The following DDX17 variants were observed in gnomAD, a reference collection of about 807,000 sequenced individuals.
The protein encoded by DDX17 is DEAD-box helicase 17.
A neutral mutation model predicts 80.8 loss-of-function variants in DDX17; 10 were observed. The ratio of observed to expected loss-of-function variants is 0.12; its 90% CI spans 0.08 to 0.21. The LOEUF (loss-of-function observed/expected upper bound fraction) is 0.21, where lower values mean the gene tolerates loss of function less well. DDX17 is among the 10% of genes least tolerant of loss of function. DDX17 has a pLI of 1.00. For synonymous variants in DDX17, 339 were observed against 336.2 expected, an observed-to-expected ratio of 1.01 and a Z score of -0.09; for missense variants, 586 against 957.4, an observed-to-expected ratio of 0.61 and a Z score of 5.12.
Position 38,505,941 on chromosome 22 carries a change from C to T in DDX17, c.287+10G>A. On this transcript the variant is annotated intron_variant, in intron 1 of 12. Coordinates refer to ENST00000403230, the MANE Select transcript of DDX17 (RefSeq NM_006386.5). ...CACGCCAGGCCTCTCCTCTCCTCCC[C>T]CACCCTTACCCTCCACGGTCACGAT... is the stretch of plus-strand genomic sequence containing the variant. 1 of 1,563,812 alleles carries T rather than the reference C, an allele frequency of 6.4e-7. No homozygotes were observed. Among genetic ancestry groups the T allele is most frequent in the African/African-American group, 1.4e-5 (1 of 73,540 alleles).
In DDX17 at chr22:38,486,364, C is replaced by T. The variant is rs879050451; in HGVS notation, c.1761G>A (p.Arg587=). 2 of 1,614,186 alleles carry T rather than the reference C, an allele frequency of 1.2e-6. No homozygotes were observed. Among genetic ancestry groups the T allele is most frequent in the South Asian group, 1.1e-5 (1 of 91,082 alleles). ...GGCCACCATCCTTGACTCCTCGAAG[C>T]CTTCGGTCACACTCATCCTGATACA... is the stretch of plus-strand genomic sequence containing the variant. Residue 587 remains arginine (R), a synonymous_variant, in exon 13 of 13, where the codon AGG becomes AGA. Coordinates refer to ENST00000403230, the MANE Select transcript of DDX17 (RefSeq NM_006386.5).
chr22:38,489,499 C>T lies in DDX17; in HGVS notation c.1448-1384G>A. ...AATTTCAGGTCCTCCAACGCCTCCCCCAAGGATAATTGGGGTGATTGTAGA... is the reference window on the plus strand; with the variant it reads ...AATTTCAGGTCCTCCAACGCCTCCCTCAAGGATAATTGGGGTGATTGTAGA... On this transcript the variant is annotated intron_variant, in intron 11 of 12. Coordinates refer to ENST00000403230, the MANE Select transcript of DDX17 (RefSeq NM_006386.5). The surrounding 1 kb of genome is among the most constrained non-coding windows in gnomAD (Gnocchi z 4.6). 1 of 985,304 alleles carries T rather than the reference C, an allele frequency of 1.0e-6. No individual in the cohort carries two copies. The highest frequency in any genetic ancestry group is 1.2e-6 in the Non-Finnish European group (1 of 829,898). 61.0% of individuals were successfully genotyped at this position (985,304 alleles called of 1,614,324 possible). A position where few individuals can be genotyped will look rare whatever the true frequency, so the allele number is the denominator to read the frequency against.
chr22:38,494,503 A>C, intron 8 of DDX17, 127 bp downstream of exon 8: 1 of 828,192 alleles, frequency 1.2e-6, no homozygotes. Flanking sequence ...ATGGATTATC[A>C]GAAACCTAGC....
chr22:38,505,814 G>T, intron 1 of DDX17, 137 bp downstream of exon 1: 2 of 1,149,408 alleles, frequency 1.7e-6, no homozygotes, highest in Non-Finnish European at 1.2e-6. Flanking sequence ...GCACGAAACC[G>T]CTGTCTCGCC....
At chr22:38,488,198 A>T (rs1266975167) in intron 11 of DDX17, 83 bp from the exon 12 acceptor site, 2 of 1,607,428 alleles carry the variant, frequency 1.2e-6, no homozygotes, top group Non-Finnish European at 1.7e-6. Flanking sequence ...ACAGGTGGGA[A>T]GCACGAATGC....
At chr22:38,505,319 T>C (rs2089869653) in intron 1 of DDX17, 1 of 152,136 alleles carries the variant, frequency 6.6e-6, no homozygotes, top group Non-Finnish European at 1.5e-5. Flanking sequence ...CAAAAACCCA[T>C]CCTTCCCCCA....
chr22:38,496,196 T>C (rs370248267), intron 5 of DDX17, among the ~76,000 whole-genome samples: 3 of 152,186 alleles, frequency 2.0e-5, no homozygotes, highest in East Asian at 1.9e-4. Context: ...TCAATCATTA[T>C]AGTTTATATA....
Position 38,506,065 on chromosome 22 carries a change from T to C in DDX17, c.173A>G (p.Glu58Gly). ...GGCCGGGCTCGGGAGGGCCTGCGGC[T>C]CCGGTCTGGTGACGACCGATGGCGG... Residue 58 changes from glutamate to glycine, a missense_variant, in exon 1 of 13, where the codon GAG (glutamate) becomes GGG (glycine). Transcript: ENST00000403230. The C allele has an allele frequency of 6.3e-7, 1 of 1,585,088 alleles. No homozygotes were observed. Among genetic ancestry groups the C allele is most frequent in the Non-Finnish European group, 8.6e-7 (1 of 1,166,788 alleles).
chr22:38,502,340 G>C lies in DDX17; in HGVS notation c.288-1060C>G, dbSNP rs375798042. ...GAGGCAGGAGAACCGCTGGAACTCG[G>C]AAGGCGGAGGTTGCAGTGAGCTGAA... On this transcript the variant is annotated intron_variant, in intron 1 of 12. Coordinates refer to ENST00000403230, the MANE Select transcript of DDX17 (RefSeq NM_006386.5). Among the ~76,000 whole-genome samples the C allele has an allele frequency of 1.2e-4, 18 of 150,640 alleles. No homozygotes were observed. In the East Asian group the frequency reaches 3.5e-3, roughly 29 times the overall value.
intron 1 of DDX17, chr22:38,505,702 T>TGGGGC: frequency 2.1e-6 from 1 of 481,796 alleles, no homozygotes; most frequent in Non-Finnish European, 3.6e-6. Context: ...GGGGCTGGGA[T>TGGGGC]GGGGCCGGGC....
At chr22:38,493,953 G>A in intron 9 of DDX17, 68 bp downstream of exon 9, 2 of 1,353,116 alleles carry the variant, frequency 1.5e-6, no homozygotes, top group East Asian at 2.3e-5. Flanking sequence ...ACAACATTTG[G>A]AATACCAATT....
intron 4 of DDX17, 63 bp from the exon 5 acceptor site, chr22:38,498,213 G>C: frequency 1.3e-6 from 2 of 1,556,938 alleles, no homozygotes; most frequent in Non-Finnish European, 1.8e-6. Context: ...TAGATACTTA[G>C]TAATTACTGA....
At chr22:38,488,373 C>G in intron 11 of DDX17, 1 of 1,355,236 alleles carries the variant, frequency 7.4e-7, no homozygotes, top group South Asian at 1.6e-5. Flanking sequence ...ATCCAAACAT[C>G]CAAACTCCTG....
intron 5 of DDX17, among the ~76,000 whole-genome samples, chr22:38,497,662 C>T (rs1041784653): frequency 6.8e-6 from 1 of 146,176 alleles, no homozygotes; most frequent in East Asian, 2.0e-4. Flanking sequence ...CGCAGTGGCT[C>T]ATGCCTGTAA....
At chr22:38,490,445 A>AT (rs1452760332) in intron 11 of DDX17, 1 of 1,289,152 alleles carries the variant, frequency 7.8e-7, no homozygotes, top group Non-Finnish European at 1.0e-6. Context: ...TTCTGTTAAA[A>AT]AACAAAACAA....
chr22:38,495,069 G>A (rs994163883), intron 6 of DDX17, 23 bp from the exon 7 acceptor site: 6 of 1,603,322 alleles, frequency 3.7e-6, no homozygotes, highest in East Asian at 2.2e-5. Context: ...ACCAATGATC[G>A]AGCCAATCGA....
Position 38,501,000 on chromosome 22 carries a change from A to C in DDX17, c.438+130T>G, listed in dbSNP as rs543332640. ...AAAAAAAAAAAAAAATTAACCAAAAAATTTTTTAAGAAAAATATCACCACA... is the reference window on the plus strand; with the variant it reads ...AAAAAAAAAAAAAAATTAACCAAAACATTTTTTAAGAAAAATATCACCACA... On this transcript the variant is annotated intron_variant, in intron 2 of 12. Transcript: ENST00000403230. 2.3e-4 allele frequency: 295 copies of C among 1,298,638 alleles called. No individual in the cohort carries two copies. The African/African-American group carries it at 3.6e-3, about 16-fold the overall frequency. The allele number at this position is 1,298,638 out of a possible 1,614,324, so 80.4% of individuals were successfully genotyped here.
At position 38,499,472 on chromosome 22, in the gene DDX17, T is replaced by C; in HGVS notation, c.466A>G (p.Lys156Glu). 3 of 1,613,950 alleles carry C rather than the reference T, an allele frequency of 1.9e-6. No homozygotes were observed. The highest frequency in any genetic ancestry group is 2.5e-6 in the Non-Finnish European group (3 of 1,179,896). ...TCTCCCCCCCTCACTGTAATCTCCTTCTTTCGGCGTAGCTCATCAACCTCA... is the reference window on the plus strand; with the variant it reads ...TCTCCCCCCCTCACTGTAATCTCCTCCTTTCGGCGTAGCTCATCAACCTCA... Residue 156 changes from lysine (K) to glutamate (E), a missense_variant, in exon 3 of 13, where the codon AAG becomes GAG. Lys to Glu is a moderately conservative substitution (Grantham distance 56). Around this residue, in one of 4 missense-constraint regions of DDX17, gnomAD observed 215 missense variants for 238.4 expected, o/e 0.90. Transcript: ENST00000403230.
intron 11 of DDX17, chr22:38,490,023 G>C: frequency 9.6e-7 from 1 of 1,041,516 alleles, no homozygotes; most frequent in Non-Finnish European, 1.2e-6. Context: ...GCTAATACTT[G>C]GAAGTATTTC....
Sources: allele counts gnomAD v4.1 joint callset (sites outside exome capture counted in the v4.1 genomes callset), GRCh38; gene constraint gnomAD v4.1.1; regional missense constraint gnomAD v4.1.1; non-coding constraint Gnocchi (gnomAD v3.1); transcripts MANE v1.5; gene names NCBI Gene and HGNC (gene_info 2026-07-23, HGNC 2026-07-21).